The following TLK1 variants were observed in gnomAD, a reference collection of about 807,000 sequenced individuals.
TLK1 encodes the protein tousled like kinase 1, also known as serine/threonine-protein kinase tousled-like 1.
In TLK1, 24 loss-of-function variants were observed where a neutral mutation model predicts 105.3. The observed-to-expected ratio is 0.23, with a 90% confidence interval of 0.17 to 0.32. TLK1 has a LOEUF of 0.32. Ranked by LOEUF, TLK1 falls within the 10% of genes least tolerant of loss-of-function variation. TLK1 has a pLI of 1.00. For missense variants in TLK1, 558 were observed against 910.5 expected (o/e 0.61, Z 4.98); for synonymous variants, 321 against 310.4 (o/e 1.03, Z -0.36).
intron 2 of TLK1, among the ~76,000 whole-genome samples, chr2:171,091,116 G>A (rs1338936467): frequency 2.6e-5 from 4 of 152,136 alleles, no homozygotes; most frequent in Non-Finnish European, 5.9e-5. Context: ...ATTACATATG[G>A]TATATGTCTG....
In TLK1 at chr2:171,187,154, G is replaced by C. The variant is rs554857880; in HGVS notation, c.-6+43991C>G. On this transcript the variant is annotated intron_variant, in intron 1 of 20. Coordinates refer to the TLK1 transcript ENST00000521943. ...CACTTCTTTTTATTTTTTTTGGTTG[G>C]TCCAGGTAAGAGTAATTCTAATAGA... 1.0e-4 allele frequency among the ~76,000 whole-genome samples: 15 copies of C among 150,010 alleles called. No individual in the cohort carries two copies. The East Asian group carries it at 2.7e-3, about 27-fold the overall frequency.
intron 1 of TLK1, among the ~76,000 whole-genome samples, chr2:171,152,780 G>A (rs541439494): frequency 6.6e-6 from 1 of 152,060 alleles, no homozygotes. Flanking sequence ...GTATTTACTT[G>A]TTATGGCTCC....
At chr2:171,013,586 A>G (rs1276928451) in intron 13 of TLK1, among the ~76,000 whole-genome samples, 2 of 152,128 alleles carry the variant, frequency 1.3e-5, no homozygotes, top group African/African-American at 4.8e-5. Context: ...GATTACAGGC[A>G]TAAGCCAGCA....
intron 12 of TLK1, chr2:171,023,262 T>G: frequency 4.4e-6 from 2 of 456,654 alleles, no homozygotes; most frequent in South Asian, 3.2e-5. Flanking sequence ...GACTGTAAAT[T>G]GTTTAGCTGA....
chr2:171,130,337 G>A (rs959979011), intron 1 of TLK1, among the ~76,000 whole-genome samples: 3 of 152,104 alleles, frequency 2.0e-5, no homozygotes, highest in African/African-American at 7.2e-5. Flanking sequence ...AGGAGGCGGA[G>A]GCTGCAGTAA....
intron 1 of TLK1, among the ~76,000 whole-genome samples, chr2:171,129,306 G>A (rs1311452858): frequency 6.6e-6 from 1 of 152,116 alleles, no homozygotes; most frequent in African/African-American, 2.4e-5. Context: ...GTAACCAATT[G>A]TTATGAACCT....
At chr2:171,191,356 G>T (rs1023050775) in intron 1 of TLK1, among the ~76,000 whole-genome samples, 1 of 150,318 alleles carries the variant, frequency 6.7e-6, no homozygotes, top group African/African-American at 2.5e-5. Context: ...TTCACTTGAG[G>T]CCAAGAGTTC....
chr2:171,061,137 G>T lies in TLK1; in HGVS notation c.350C>A (p.Ser117Ter), dbSNP rs757972057. 2 of 1,613,270 alleles carry T rather than the reference G, an allele frequency of 1.2e-6. No homozygotes were observed. Among genetic ancestry groups the T allele is most frequent in the Non-Finnish European group, 8.5e-7 (1 of 1,179,666 alleles). ...KESETPEKKQSESSRGRKRKA... is the reference protein window; with the variant it reads ...KESETPEKKQ ...TCTCTTTCTTCCCCTGGATGATTCC[G>T]ATTGTTTCTTCTCCGGTGTCTACAG... The change falls in exon 4 of 21, where the codon TCG (serine) becomes TAG (stop). Residue 117 changes from serine (S) to a stop codon, truncating the protein, a stop_gained. Transcript: ENST00000431350. LOFTEE classifies it high-confidence loss of function.
intron 8 of TLK1, among the ~76,000 whole-genome samples, chr2:171,052,922 A>G (rs73027269): frequency 0.037 from 5,637 of 152,254 alleles, 153 homozygotes; most frequent in African/African-American, 0.074. Context: ...TAAAACTACC[A>G]ATGTCCAAGA....
chr2:171,004,487 A>G (rs1559336262), intron 18 of TLK1, among the ~76,000 whole-genome samples: 1 of 152,226 alleles, frequency 6.6e-6, no homozygotes, highest in Admixed American at 6.5e-5. Context: ...TCCATGAGAA[A>G]TACATTCCAT....
intron 8 of TLK1, among the ~76,000 whole-genome samples, chr2:171,051,801 A>C (rs1339944046): frequency 6.6e-6 from 1 of 152,238 alleles, no homozygotes; most frequent in Non-Finnish European, 1.5e-5. Flanking sequence ...CAGAACACAG[A>C]AACAGATCCA....
chr2:171,215,382 C>T (rs2105327873), intron 1 of TLK1, among the ~76,000 whole-genome samples: 1 of 152,280 alleles, frequency 6.6e-6, no homozygotes, highest in Admixed American at 6.5e-5. Context: ...TGCTCTTCTC[C>T]AAGTCTTGTC....
intron 12 of TLK1, among the ~76,000 whole-genome samples, chr2:171,018,055 T>C (rs185383335): frequency 7.9e-5 from 12 of 152,320 alleles, no homozygotes; most frequent in African/African-American, 2.6e-4. Flanking sequence ...AATTCATATA[T>C]TGAAGCCCTT....
intron 1 of TLK1, among the ~76,000 whole-genome samples, chr2:171,191,213 A>G (rs1693141642): frequency 6.6e-6 from 1 of 151,990 alleles, no homozygotes; most frequent in South Asian, 2.1e-4. Context: ...CTAACTCCAA[A>G]TTGGGTAACT....
rs558415914 is a variant in TLK1, at chr2:171,032,017, G to A, written c.1170-3612C>T. Among the ~76,000 whole-genome samples, 11 of 152,224 alleles carry A rather than the reference G, an allele frequency of 7.2e-5. No homozygotes were observed. The South Asian group carries it at 1.2e-3, about 17-fold the overall frequency. ...GCATGAGAATCACTTCAACCTGGGA[G>A]GCAGAGGTTGCAGTGAGCTGAGACT... On this transcript the variant is annotated intron_variant, in intron 11 of 20. Coordinates refer to ENST00000431350, the MANE Select transcript of TLK1 (RefSeq NM_012290.5).
chr2:171,149,099 C>CTTTTTTTT (rs11335300), intron 1 of TLK1, among the ~76,000 whole-genome samples: 6 of 57,890 alleles, frequency 1.0e-4, no homozygotes, highest in Admixed American at 2.6e-4. Flanking sequence ...AATTACTTTT[C>CTTTTTTTT]TTTTTTTTTT....
At chr2:171,008,929 A>T (rs1277906049) in intron 14 of TLK1, among the ~76,000 whole-genome samples, 1 of 152,204 alleles carries the variant, frequency 6.6e-6, no homozygotes, top group East Asian at 1.9e-4. Context: ...TAAGCTCAAC[A>T]ACTTTTAGGC....
intron 2 of TLK1, among the ~76,000 whole-genome samples, chr2:171,086,762 G>C (rs2105482958): frequency 6.6e-6 from 1 of 152,238 alleles, no homozygotes; most frequent in Admixed American, 6.5e-5. Context: ...AACAGCAGTT[G>C]AAACCCAGAT....
chr2:170,993,766 A>C lies in TLK1; in HGVS notation c.*14T>G. On this transcript the variant is annotated 3_prime_UTR_variant, in exon 21 of 21. Transcript: ENST00000431350. ...AAGCAAATTCAAAGATATCATGCCA[A>C]TCTTGGAGGAAAGTCAGTAAGTAAT... 6.5e-7 allele frequency: 1 copy of C among 1,549,606 alleles called. No homozygotes were observed.
Sources: allele counts gnomAD v4.1 joint callset (sites outside exome capture counted in the v4.1 genomes callset), GRCh38; gene constraint gnomAD v4.1.1; transcripts MANE v1.5; gene names NCBI Gene and HGNC (gene_info 2026-07-23, HGNC 2026-07-21).